The following PITRM1 variants were observed in gnomAD, a reference collection of about 807,000 sequenced individuals.
The protein encoded by PITRM1 is pitrilysin metallopeptidase 1, also known as presequence protease, mitochondrial.
Under a neutral mutation model 129.9 loss-of-function variants are expected in PITRM1, and 100 were observed. The observed-to-expected ratio is 0.77, with a 90% CI of 0.65 to 0.91. The LOEUF is 0.91. Ranked by LOEUF, PITRM1 falls within the 40% of genes least tolerant of loss-of-function variation. The pLI is 0.00. For missense variants in PITRM1, 1,471 were observed against 1,318.3 expected (o/e 1.12, Z -1.79); for synonymous variants, 591 against 508.8 (o/e 1.16, Z -2.17).
chr10:3,153,357 C>T (rs1048391762), intron 14 of PITRM1, among the ~76,000 whole-genome samples: 30 of 152,150 alleles, frequency 2.0e-4, no homozygotes, highest in African/African-American at 7.0e-4. Flanking sequence ...CAATTAAAAG[C>T]GGGAAGATTG....
intron 2 of PITRM1, chr10:3,167,714 T>C (rs1333234101): frequency 6.6e-6 from 1 of 152,392 alleles, no homozygotes; most frequent in Non-Finnish European, 1.5e-5. Flanking sequence ...TCTGTTTCTG[T>C]GCATATCATC....
intron 7 of PITRM1, among the ~76,000 whole-genome samples, chr10:3,160,848 A>T (rs9423499): frequency 6.6e-6 from 1 of 151,366 alleles, no homozygotes; most frequent in Non-Finnish European, 1.5e-5. Flanking sequence ...GCAACCTCCG[A>T]CTCCCAGGTT....
chr10:3,169,519 G>C (rs943590346), intron 2 of PITRM1, among the ~76,000 whole-genome samples: 1 of 152,220 alleles, frequency 6.6e-6, no homozygotes, highest in Non-Finnish European at 1.5e-5. Context: ...ATCAAGCATA[G>C]CACAAAGCCA....
At chr10:3,172,826 G>T, upstream of PITRM1, 2 of 1,514,738 alleles carry the variant, frequency 1.3e-6, no homozygotes, top group Non-Finnish European at 1.8e-6. Context: ...CCGACGCAGG[G>T]CGCGGGGCGG....
intron 1 of PITRM1, among the ~76,000 whole-genome samples, chr10:3,170,864 G>T (rs923659190): frequency 3.9e-5 from 6 of 152,172 alleles, no homozygotes; most frequent in South Asian, 2.1e-4. Flanking sequence ...TTGGGAGGCT[G>T]AGGCAGGAGA....
rs1221832894 is a variant in PITRM1, at chr10:3,164,893, G to T, written c.630+345C>A. On this transcript the variant is annotated intron_variant, in intron 6 of 26. Coordinates refer to ENST00000224949, the MANE Select transcript of PITRM1 (RefSeq NM_014889.4). Reference sequence around the variant, plus strand: ...ATTTGCTCTGTATGCAGCTCGCTGTGTGTCACACACCTTGCCATGCAGCCT... The same window carrying T: ...ATTTGCTCTGTATGCAGCTCGCTGTTTGTCACACACCTTGCCATGCAGCCT... 1.3e-5 allele frequency among the ~76,000 whole-genome samples: 2 copies of T among 152,174 alleles called. 1 individual carries two copies. Among genetic ancestry groups the T allele is most frequent in the South Asian group, 4.1e-4 (2 of 4,830 alleles).
At chr10:3,138,604 A>G in intron 25 of PITRM1, 1 of 604,214 alleles carries the variant, frequency 1.7e-6, no homozygotes, top group Non-Finnish European at 2.9e-6. Context: ...AAGCGGCTCC[A>G]GAGAGTAACG....
chr10:3,140,906 G>A, intron 23 of PITRM1, 94 bp from the exon 24 acceptor site: 2 of 1,130,994 alleles, frequency 1.8e-6, no homozygotes, highest in Non-Finnish European at 2.6e-6. Context: ...TGAAAATCGA[G>A]TTGTAAAATA....
intron 3 of PITRM1, 32 bp from the exon 4 acceptor site, chr10:3,166,412 G>C (rs1842870405): frequency 5.6e-5 from 15 of 269,888 alleles, no homozygotes; most frequent in Non-Finnish European, 8.1e-5. Flanking sequence ...AACGCAAAAG[G>C]TTCAGCTTAG....
rs372886687 is a variant in PITRM1 at position 3,147,297 on chromosome 10, A to T, written c.2236-47T>A. 9 of 1,368,206 alleles carry T rather than the reference A, an allele frequency of 6.6e-6. No homozygotes were observed. In the African/African-American group the frequency reaches 1.3e-4, roughly 20 times the overall value. 84.8% of individuals were successfully genotyped at this position (1,368,206 alleles called of 1,614,324 possible). ...CAGAGAGAGGCAGAGGCTACAACAG[A>T]CCCGCTGAGTCTGAACCAAGCACCT... is the stretch of plus-strand genomic sequence containing the variant. On this transcript the variant is annotated intron_variant, in intron 19 of 26. Coordinates refer to ENST00000224949, the MANE Select transcript of PITRM1 (RefSeq NM_014889.4).
chr10:3,138,386 G>T (rs747009967), intron 25 of PITRM1, 49 bp from the exon 26 acceptor site: 1 of 1,256,946 alleles, frequency 8.0e-7, no homozygotes, highest in Non-Finnish European at 1.2e-6. Flanking sequence ...GGGAGCTCGC[G>T]TTGTGGGCTG....
chr10:3,139,892 T>C (rs1840006623), intron 24 of PITRM1, among the ~76,000 whole-genome samples: 1 of 152,126 alleles, frequency 6.6e-6, no homozygotes, highest in Admixed American at 6.5e-5. Context: ...AAATCAAGAA[T>C]ATTGCTTTAC....
At chr10:3,161,310 C>A (rs1842422438) in intron 7 of PITRM1, among the ~76,000 whole-genome samples, 1 of 152,174 alleles carries the variant, frequency 6.6e-6, no homozygotes, top group Non-Finnish European at 1.5e-5. Flanking sequence ...GACAATTTCA[C>A]AAAACTCAAT....
At chr10:3,169,499 T>C (rs1275307009) in intron 2 of PITRM1, among the ~76,000 whole-genome samples, 1 of 152,254 alleles carries the variant, frequency 6.6e-6, no homozygotes, top group African/African-American at 2.4e-5. Context: ...TCTTTCACGT[T>C]TGCTATAACA....
At chr10:3,160,134 T>C (rs950125523) in intron 8 of PITRM1, 70 bp downstream of exon 8, 20 of 1,520,922 alleles carry the variant, frequency 1.3e-5, no homozygotes, top group Middle Eastern at 3.4e-4. Flanking sequence ...AATCCCATCA[T>C]CAATACCCAG....
chr10:3,161,306 T>C (rs7900718), intron 7 of PITRM1, among the ~76,000 whole-genome samples: 93,030 of 152,070 alleles, frequency 0.61, 28,952 homozygotes, highest in Non-Finnish European at 0.68. Context: ...AACTGACAAT[T>C]TCACAAAACT....
At chr10:3,143,989 G>A in intron 22 of PITRM1, 1 of 545,108 alleles carries the variant, frequency 1.8e-6, no homozygotes, top group South Asian at 2.0e-5. Flanking sequence ...AAAGAAGGGT[G>A]AGTTGCCCGG....
rs766678393 is a variant in PITRM1, at chr10:3,147,606, C to A, written c.2201G>T (p.Gly734Val). 5.6e-6 allele frequency: 9 copies of A among 1,613,926 alleles called. No homozygotes were observed. In the South Asian group the frequency reaches 8.8e-5, roughly 16 times the overall value. Reference sequence around the variant, plus strand: ...CCCGCTGAAGGTCTCCTGCAGGTCCCCTGCGGGCGTGAGGGTCCGGCCTGC... The same window carrying A: ...CCCGCTGAAGGTCTCCTGCAGGTCCACTGCGGGCGTGAGGGTCCGGCCTGC... ...IRAGRTLTPA[G>V]DLQETFSGMD... The change falls in exon 19 of 27, where the codon GGG becomes GTG. Residue 734 changes from glycine to valine, a missense_variant. Coordinates refer to ENST00000224949, the MANE Select transcript of PITRM1 (RefSeq NM_014889.4).
intron 12 of PITRM1, 57 bp downstream of exon 12, chr10:3,157,378 T>G (rs1337697445): frequency 9.5e-7 from 1 of 1,053,366 alleles, no homozygotes; most frequent in Non-Finnish European, 1.4e-6. Context: ...GTTAAGCTAG[T>G]AACAAGACAA....
Sources: gnomAD v4.1 joint callset for allele counts (sites outside exome capture counted in the v4.1 genomes callset) on GRCh38, gnomAD v4.1.1 for gene constraint, MANE v1.5 for transcripts, NCBI Gene and HGNC (gene_info 2026-07-23, HGNC 2026-07-21) for gene names.